The following NRG1 variants were observed in gnomAD, a reference collection of about 807,000 sequenced individuals.
NRG1 encodes the protein pro-neuregulin-1, membrane-bound isoform.
NRG1 carries 18 observed loss-of-function variants against 63.8 expected under a neutral mutation model. The observed-to-expected ratio is 0.28, with a 90% CI of 0.19 to 0.42. NRG1 has a LOEUF of 0.42. Ranked by LOEUF, NRG1 falls within the 10% of genes least tolerant of loss-of-function variation. The pLI is 1.00. For synonymous variants in NRG1, 302 were observed against 301.3 expected, an observed-to-expected ratio of 1.00 and a Z score of -0.02; for missense variants, 762 against 814.7, an observed-to-expected ratio of 0.94 and a Z score of 0.79.
chr8:32,528,317 G>C (rs975808952), intron 1 of NRG1, among the ~76,000 whole-genome samples: 1 of 152,186 alleles, frequency 6.6e-6, no homozygotes, highest in Admixed American at 6.6e-5. Flanking sequence ...ACTTAGCGCT[G>C]TTTCCCTGCA....
intron 1 of NRG1, among the ~76,000 whole-genome samples, chr8:31,822,190 T>C (rs904038127): frequency 5.3e-5 from 8 of 152,182 alleles, no homozygotes; most frequent in Non-Finnish European, 1.2e-4. Context: ...TTGCCTCAAA[T>C]ATTTCCCTGA....
chr8:32,286,996 G>GAAAAC (rs1215893310), intron 1 of NRG1: 5 of 152,292 alleles, frequency 3.3e-5, no homozygotes, highest in African/African-American at 9.7e-5. Flanking sequence ...GACTCCATCT[G>GAAAAC]AAAACAAAAC....
intron 1 of NRG1, among the ~76,000 whole-genome samples, chr8:32,348,006 A>C (rs7819643): frequency 0.52 from 78,665 of 151,894 alleles, 21,275 homozygotes; most frequent in Non-Finnish European, 0.61. Context: ...TACATATATT[A>C]CTCTTTCTTC....
chr8:31,641,131 C>T (rs1803732428), intron 1 of NRG1, among the ~76,000 whole-genome samples: 1 of 152,122 alleles, frequency 6.6e-6, no homozygotes. Context: ...AACGCCTTCC[C>T]TTCACTTGGA....
chr8:31,946,402 C>T (rs1016756450), intron 1 of NRG1, among the ~76,000 whole-genome samples: 2 of 152,146 alleles, frequency 1.3e-5, no homozygotes, highest in African/African-American at 2.4e-5. Context: ...GAAGATCATG[C>T]ATGGGGATTT....
chr8:31,660,496 A>AGAAT (rs1204130043), intron 1 of NRG1, among the ~76,000 whole-genome samples: 2 of 152,238 alleles, frequency 1.3e-5, no homozygotes, highest in Non-Finnish European at 2.9e-5. Context: ...GATTTGCAGA[A>AGAAT]GAATGTTGCA....
intron 1 of NRG1, among the ~76,000 whole-genome samples, chr8:32,246,776 C>A (rs1848624477): frequency 6.6e-6 from 1 of 151,978 alleles, no homozygotes; most frequent in East Asian, 1.9e-4. Context: ...AATAATCACA[C>A]TCGAAGCAGA....
chr8:32,235,642 G>A (rs898929714), intron 1 of NRG1, among the ~76,000 whole-genome samples: 1 of 152,124 alleles, frequency 6.6e-6, no homozygotes, highest in Non-Finnish European at 1.5e-5. Flanking sequence ...ATTCTGGTTT[G>A]CCTGGGGTTG....
rs948989714 is a variant in NRG1 at position 32,642,403 on chromosome 8, A to G, written c.502+25518A>G. On this transcript the variant is annotated intron_variant, in intron 5 of 11. Coordinates refer to ENST00000356819, the Ensembl canonical transcript of NRG1. ...CACATGACTGTGAACATGTACCCCA[A>G]TAAATGGTACAGTTAAGAAATGCTG... Among the ~76,000 whole-genome samples, 7 of 152,226 alleles carry G rather than the reference A, an allele frequency of 4.6e-5. No homozygotes were observed. The East Asian group carries it at 1.2e-3, about 25-fold the overall frequency.
At chr8:31,934,392 C>T (rs1835117191) in intron 1 of NRG1, among the ~76,000 whole-genome samples, 1 of 147,206 alleles carries the variant, frequency 6.8e-6, no homozygotes, top group African/African-American at 2.5e-5. Flanking sequence ...CCCCTACACA[C>T]ACATACACAC....
At chr8:32,546,323 G>A (rs1833060639), upstream of NRG1, among the ~76,000 whole-genome samples, 2 of 151,462 alleles carry the variant, frequency 1.3e-5, no homozygotes, top group African/African-American at 2.4e-5. Context: ...TTTTAATTGG[G>A]GAAAATCTTA....
At chr8:32,033,959 T>A (rs1818654971) in intron 1 of NRG1, among the ~76,000 whole-genome samples, 1 of 152,216 alleles carries the variant, frequency 6.6e-6, no homozygotes, top group African/African-American at 2.4e-5. Flanking sequence ...TTTGCCTGAT[T>A]GCTCTGGCCA....
At chr8:32,763,695 C>G in intron 11 of NRG1, 53 bp from the exon 12 acceptor site, 1 of 1,488,800 alleles carries the variant, frequency 6.7e-7, no homozygotes, top group African/African-American at 1.4e-5. Flanking sequence ...ACCTTCCCTG[C>G]TATGTGCCTC....
intron 1 of NRG1, among the ~76,000 whole-genome samples, chr8:31,858,508 A>G: frequency 6.6e-6 from 1 of 152,172 alleles, no homozygotes; most frequent in East Asian, 1.9e-4. Context: ...TCAGATTGTT[A>G]CTTGTGAGGA....
At chr8:32,507,771 T>G (rs913399412) in intron 1 of NRG1, among the ~76,000 whole-genome samples, 2 of 138,898 alleles carry the variant, frequency 1.4e-5, no homozygotes, top group African/African-American at 5.1e-5. Context: ...GACCTTGGCT[T>G]ACTGCAACCT....
chr8:32,321,384 A>T (rs990989501), intron 1 of NRG1, among the ~76,000 whole-genome samples: 1 of 151,534 alleles, frequency 6.6e-6, no homozygotes, highest in Non-Finnish European at 1.5e-5. Flanking sequence ...TTACCTCTTT[A>T]TGTTCCTGTA....
At chr8:32,046,145 A>T (rs1820959777) in intron 1 of NRG1, among the ~76,000 whole-genome samples, 1 of 151,996 alleles carries the variant, frequency 6.6e-6, no homozygotes, top group Admixed American at 6.6e-5. Flanking sequence ...TCTTGAACAG[A>T]TTGTCGACCA....
chr8:32,118,584 A>T (rs1434613389), intron 1 of NRG1, among the ~76,000 whole-genome samples: 1 of 152,118 alleles, frequency 6.6e-6, no homozygotes, highest in African/African-American at 2.4e-5. Context: ...GACAGTACTG[A>T]TTATTTGTTG....
At chr8:31,792,587 A>T (rs1248710733) in intron 1 of NRG1, among the ~76,000 whole-genome samples, 2 of 152,264 alleles carry the variant, frequency 1.3e-5, no homozygotes, top group Non-Finnish European at 1.5e-5. Flanking sequence ...TAAAAATTTA[A>T]TACTGCTGTT....
Sources: allele counts gnomAD v4.1 joint callset (sites outside exome capture counted in the v4.1 genomes callset), GRCh38; gene constraint gnomAD v4.1.1; transcripts MANE v1.5; gene names NCBI Gene and HGNC (gene_info 2026-07-23, HGNC 2026-07-21).